The following CSMD2 variants were observed in gnomAD, a reference collection of about 807,000 sequenced individuals.
CSMD2 encodes CUB and sushi domain-containing protein 2.
Under a neutral mutation model 398.5 loss-of-function variants are expected in CSMD2, and 130 were observed. The ratio of observed to expected loss-of-function variants is 0.33; its 90% CI spans 0.28 to 0.38. The LOEUF (loss-of-function observed/expected upper bound fraction) is 0.38. CSMD2 is among the 10% of genes least tolerant of loss of function. The probability of loss-of-function intolerance (pLI) is 1.00; values close to 1 mark genes in which losing one functional copy is unlikely to be tolerated. For synonymous variants in CSMD2, 1,828 were observed against 1,908.5 expected, an observed-to-expected ratio of 0.96 and a Z score of 1.10; for missense variants, 3,829 against 4,764.9, an observed-to-expected ratio of 0.80 and a Z score of 5.78.
intron 3 of CSMD2, among the ~76,000 whole-genome samples, chr1:33,967,279 T>G (rs1570659338): frequency 4.9e-5 from 7 of 141,792 alleles, no homozygotes; most frequent in East Asian, 2.2e-4. Flanking sequence ...AAGCGGGGGG[T>G]GGGGGGTAGT....
At chr1:33,584,531 G>A (rs1269599578) in intron 46 of CSMD2, among the ~76,000 whole-genome samples, 1 of 152,112 alleles carries the variant, frequency 6.6e-6, no homozygotes, top group Non-Finnish European at 1.5e-5. Flanking sequence ...TTAGCTGGGT[G>A]TGGTGGCATG....
chr1:33,540,772 C>G, intron 59 of CSMD2, 74 bp from the exon 60 acceptor site: 1 of 1,540,918 alleles, frequency 6.5e-7, no homozygotes, highest in Non-Finnish European at 8.9e-7. Context: ...TCATTGATAT[C>G]ACCGACTACC....
At chr1:33,552,677 C>T (rs1657570291) in intron 55 of CSMD2, among the ~76,000 whole-genome samples, 1 of 151,982 alleles carries the variant, frequency 6.6e-6, no homozygotes, top group Non-Finnish European at 1.5e-5. Context: ...TGGAAGTAGC[C>T]AGACACAAAA....
intron 5 of CSMD2, among the ~76,000 whole-genome samples, chr1:33,901,067 G>A (rs1161965001): frequency 1.3e-5 from 2 of 152,094 alleles, no homozygotes; most frequent in Admixed American, 6.5e-5. Flanking sequence ...AGTCTCTGAG[G>A]CTCAGTTTCT....
At chr1:33,595,877 A>G (rs1401998049) in intron 44 of CSMD2, among the ~76,000 whole-genome samples, 1 of 152,214 alleles carries the variant, frequency 6.6e-6, no homozygotes, top group Non-Finnish European at 1.5e-5. Context: ...ACTATTGAAG[A>G]ATCACTGCTC....
At chr1:33,525,658 T>C (rs928476409) in intron 65 of CSMD2, among the ~76,000 whole-genome samples, 2 of 152,184 alleles carry the variant, frequency 1.3e-5, no homozygotes, top group African/African-American at 4.8e-5. Flanking sequence ...TTAATAAGAA[T>C]GTATTGTACA....
intron 3 of CSMD2, among the ~76,000 whole-genome samples, chr1:33,943,960 ACG>A (rs1473432445): frequency 2.0e-5 from 3 of 148,684 alleles, no homozygotes; most frequent in Non-Finnish European, 4.5e-5. Context: ...ACACACACAC[ACG>A]AAGCAATAAA....
At chr1:33,849,915 C>T (rs1421681822) in intron 5 of CSMD2, among the ~76,000 whole-genome samples, 2 of 152,016 alleles carry the variant, frequency 1.3e-5, no homozygotes, top group Non-Finnish European at 2.9e-5. Flanking sequence ...TGGATCCAAT[C>T]CTCAGGGTAA....
chr1:33,925,946 C>G (rs1214219520), intron 4 of CSMD2, among the ~76,000 whole-genome samples: 1 of 152,154 alleles, frequency 6.6e-6, no homozygotes, highest in African/African-American at 2.4e-5. Context: ...GCCCCCTCGC[C>G]CTCAGCCTTT....
At chr1:33,789,102 C>A (rs142692840) in intron 11 of CSMD2, among the ~76,000 whole-genome samples, 1 of 152,130 alleles carries the variant, frequency 6.6e-6, no homozygotes, top group African/African-American at 2.4e-5. Context: ...AAAAGACCAC[C>A]GCCACCCCCA....
Position 33,726,508 on chromosome 1 carries a change from C to T in CSMD2, c.2507+39G>A, listed in dbSNP as rs370535027. On this transcript the variant is annotated intron_variant, in intron 16 of 70. Transcript: ENST00000373381. ...CTCCCACGTGGCTCTGTAAAAATCT[C>T]CCCCTTGCCCTCTCCCCCAAGGCTG... is the stretch of plus-strand genomic sequence containing the variant. 2.7e-5 allele frequency: 43 copies of T among 1,573,252 alleles called. No homozygotes were observed. In the African/African-American group the frequency reaches 4.5e-4, roughly 16 times the overall value.
At position 33,619,285 on chromosome 1, in the gene CSMD2, C is replaced by G. The variant is rs373801522; in HGVS notation, c.5828-1668G>C. On this transcript the variant is annotated intron_variant, in intron 37 of 70. Coordinates refer to ENST00000373381, the MANE Select transcript of CSMD2 (RefSeq NM_001281956.2). ...AATGTGGGAGATGGCAGCCTTGGCCCTTCTGGAGGCTCCCTTGGGGGATAC... is the reference window on the plus strand; with the variant it reads ...AATGTGGGAGATGGCAGCCTTGGCCGTTCTGGAGGCTCCCTTGGGGGATAC... Among the ~76,000 whole-genome samples the G allele has an allele frequency of 5.9e-5, 9 of 152,338 alleles. No individual in the cohort carries two copies. In the South Asian group the frequency reaches 1.9e-3, roughly 32 times the overall value.
intron 2 of CSMD2, among the ~76,000 whole-genome samples, chr1:34,081,575 C>T (rs538047288): frequency 5.9e-5 from 9 of 152,288 alleles, no homozygotes; most frequent in South Asian, 2.1e-4. Context: ...CGCGCCGCCA[C>T]GCCTGACTGG....
At chr1:34,027,328 T>C (rs1308956120) in intron 3 of CSMD2, among the ~76,000 whole-genome samples, 1 of 152,200 alleles carries the variant, frequency 6.6e-6, no homozygotes, top group Non-Finnish European at 1.5e-5. Context: ...ACAAATGGGA[T>C]GTCATTTTCC....
intron 1 of CSMD2, among the ~76,000 whole-genome samples, chr1:34,119,254 A>G (rs563547716): frequency 1.2e-4 from 18 of 152,314 alleles, no homozygotes; most frequent in Non-Finnish European, 2.5e-4. Flanking sequence ...ACCATATACC[A>G]TATATAAAAA....
intron 3 of CSMD2, among the ~76,000 whole-genome samples, chr1:33,964,196 C>T (rs904231373): frequency 6.6e-5 from 10 of 151,858 alleles, no homozygotes; most frequent in African/African-American, 2.2e-4. Flanking sequence ...CAAGACTGTC[C>T]GGGTTCAAAT....
At chr1:33,781,523 GA>G (rs1652764862) in intron 12 of CSMD2, among the ~76,000 whole-genome samples, 1 of 152,140 alleles carries the variant, frequency 6.6e-6, no homozygotes, top group Non-Finnish European at 1.5e-5. Context: ...TTTCTAACAT[GA>G]GTGCCCTGGA....
intron 28 of CSMD2, among the ~76,000 whole-genome samples, chr1:33,647,145 C>T (rs1007510476): frequency 4.6e-5 from 7 of 152,194 alleles, no homozygotes; most frequent in African/African-American, 9.7e-5. Flanking sequence ...ACTCTGGACA[C>T]CAAGCTGTCA....
At chr1:33,847,766 T>C (rs577920923) in intron 5 of CSMD2, among the ~76,000 whole-genome samples, 21 of 152,222 alleles carry the variant, frequency 1.4e-4, no homozygotes, top group Middle Eastern at 3.4e-3. Flanking sequence ...CTGTGTGAGC[T>C]CAGGAAAACT....
Sources: gnomAD v4.1 joint callset for allele counts (sites outside exome capture counted in the v4.1 genomes callset) on GRCh38, gnomAD v4.1.1 for gene constraint, MANE v1.5 for transcripts, NCBI Gene and HGNC (gene_info 2026-07-23, HGNC 2026-07-21) for gene names.